TASP1: variants seen among roughly 807,000 people sequenced by gnomAD.
The protein encoded by TASP1 is threonine aspartase 1.
A neutral mutation model predicts 56.6 loss-of-function variants in TASP1; 16 were observed. The observed-to-expected ratio is 0.28, with a 90% CI of 0.19 to 0.43. The LOEUF (loss-of-function observed/expected upper bound fraction) is 0.43. TASP1 is among the 20% of genes least tolerant of loss of function. The pLI, the probability that TASP1 is intolerant of heterozygous loss-of-function variation, is 1.00. For missense variants in TASP1, 393 were observed against 511.6 expected, an observed-to-expected ratio of 0.77 and a Z score of 2.24; for synonymous variants, 179 against 184.2, an observed-to-expected ratio of 0.97 and a Z score of 0.23.
At chr20:13,113,272 A>G in the TASP1 span, among the ~76,000 whole-genome samples, 2 of 152,206 alleles carry the variant, frequency 1.3e-5, no homozygotes, top group African/African-American at 2.4e-5. Context: ...ATGCACTCCT[A>G]CTTTTCGGAG....
At chr20:13,386,717 G>A (rs756266702), downstream of TASP1, among the ~76,000 whole-genome samples, 5 of 152,058 alleles carry the variant, frequency 3.3e-5, no homozygotes, top group Non-Finnish European at 5.9e-5. Flanking sequence ...GAGTAGCCCC[G>A]AGAGATGTCC....
chr20:13,203,913 C>G, the TASP1 span, among the ~76,000 whole-genome samples: 1 of 152,072 alleles, frequency 6.6e-6, no homozygotes, highest in East Asian at 1.9e-4. Context: ...AATGTCTGAC[C>G]CAACTTTTTA....
chr20:13,356,508 A>G, the TASP1 span, among the ~76,000 whole-genome samples: 1 of 152,220 alleles, frequency 6.6e-6, no homozygotes, highest in African/African-American at 2.4e-5. Flanking sequence ...TTGCCCAGTA[A>G]GTAACTTGAA....
chr20:13,355,063 G>C, the TASP1 span, among the ~76,000 whole-genome samples: 10 of 152,136 alleles, frequency 6.6e-5, no homozygotes, highest in African/African-American at 2.4e-4. Flanking sequence ...TAGGAAAATA[G>C]AGGGAAAGGA....
intron 13 of TASP1, among the ~76,000 whole-genome samples, chr20:13,393,842 T>C (rs971324403): frequency 6.6e-6 from 1 of 151,816 alleles, no homozygotes; most frequent in Non-Finnish European, 1.5e-5. Context: ...CCCCACCCTG[T>C]TGTATACCAT....
At chr20:13,166,989 C>T in the TASP1 span, 1 of 152,176 alleles carries the variant, frequency 6.6e-6, no homozygotes, top group Non-Finnish European at 1.5e-5. Flanking sequence ...TATTACACTG[C>T]AATGTACAAA....
intron 11 of TASP1, among the ~76,000 whole-genome samples, chr20:13,446,992 G>A (rs2043435785): frequency 6.6e-6 from 1 of 152,100 alleles, no homozygotes; most frequent in Admixed American, 6.6e-5. Flanking sequence ...TAATGCCACA[G>A]TGAACATCTG....
At chr20:13,548,839 C>T (rs1269607362) in intron 8 of TASP1, among the ~76,000 whole-genome samples, 3 of 152,088 alleles carry the variant, frequency 2.0e-5, no homozygotes, top group Non-Finnish European at 2.9e-5. Flanking sequence ...TCTCAAATAC[C>T]GGCCCAATAG....
chr20:13,255,694 T>A, the TASP1 span, among the ~76,000 whole-genome samples: 1 of 152,212 alleles, frequency 6.6e-6, no homozygotes, highest in Non-Finnish European at 1.5e-5. Context: ...TCATTCCCTC[T>A]GGGAAGACAA....
At chr20:13,314,094 A>C in the TASP1 span, among the ~76,000 whole-genome samples, 1 of 152,204 alleles carries the variant, frequency 6.6e-6, no homozygotes, top group African/African-American at 2.4e-5. Context: ...AGCAAAGAGA[A>C]AAAAAGACTG....
At chr20:13,519,178 G>C (rs1326324811) in intron 10 of TASP1, among the ~76,000 whole-genome samples, 1 of 152,060 alleles carries the variant, frequency 6.6e-6, no homozygotes, top group Admixed American at 6.6e-5. Flanking sequence ...GACTACTAGA[G>C]TGCGGAGGAA....
chr20:13,255,579 A>G, the TASP1 span, among the ~76,000 whole-genome samples: 1 of 152,238 alleles, frequency 6.6e-6, no homozygotes, highest in Non-Finnish European at 1.5e-5. Flanking sequence ...GGAGTTTTCT[A>G]TGTGGATAAG....
chr20:13,199,872 G>T, the TASP1 span, among the ~76,000 whole-genome samples: 1 of 152,176 alleles, frequency 6.6e-6, no homozygotes, highest in Non-Finnish European at 1.5e-5. Context: ...AACCAGCCGT[G>T]CTGACTTCAC....
intron 13 of TASP1, among the ~76,000 whole-genome samples, chr20:13,404,277 T>A (rs531251952): frequency 2.0e-5 from 3 of 152,200 alleles, no homozygotes; most frequent in African/African-American, 7.2e-5. Context: ...TTGTGAGGGT[T>A]TACCCTTGGC....
At chr20:13,424,082 AAAAC>A (rs1162222183) in intron 12 of TASP1, among the ~76,000 whole-genome samples, 1 of 152,222 alleles carries the variant, frequency 6.6e-6, no homozygotes, top group Non-Finnish European at 1.5e-5. Flanking sequence ...CAAACAGAAC[AAAAC>A]AAACACGCAC....
the TASP1 span, among the ~76,000 whole-genome samples, chr20:13,366,884 ACT>A: frequency 1.4e-4 from 21 of 151,306 alleles, no homozygotes; most frequent in African/African-American, 3.9e-4. Context: ...ACACACACAC[ACT>A]CTCTCTCACA....
At chr20:13,387,254 C>T (rs996732412), downstream of TASP1, among the ~76,000 whole-genome samples, 18 of 126,674 alleles carry the variant, frequency 1.4e-4, no homozygotes, top group South Asian at 2.5e-4. Context: ...AGTGCAATGG[C>T]GTGATCTCGG....
the TASP1 span, among the ~76,000 whole-genome samples, chr20:13,286,452 C>T: frequency 1.3e-4 from 20 of 152,086 alleles, no homozygotes; most frequent in South Asian, 2.1e-4. Flanking sequence ...GGAAGGCAGC[C>T]GAATTTCCTG....
At chr20:13,472,577 T>C (rs1381949480) in intron 11 of TASP1, among the ~76,000 whole-genome samples, 2 of 150,922 alleles carry the variant, frequency 1.3e-5, no homozygotes, top group Non-Finnish European at 2.9e-5. Context: ...ATTTTTGCAA[T>C]CTATCCATCT....
Sources: allele counts gnomAD v4.1 joint callset (sites outside exome capture counted in the v4.1 genomes callset), GRCh38; gene constraint gnomAD v4.1.1; transcripts MANE v1.5; gene names NCBI Gene and HGNC (gene_info 2026-07-23, HGNC 2026-07-21).